Variants in RAB38 observed in about 807,000 individuals in gnomAD.
The protein encoded by RAB38 is RAB38, member RAS oncogene family, also known as ras-related protein Rab-38.
Under a neutral mutation model 18.4 loss-of-function variants are expected in RAB38, and 15 were observed. The ratio of observed to expected loss-of-function variants is 0.82; its 90% CI spans 0.55 to 1.26. RAB38 has a LOEUF of 1.26. RAB38 is among the 50% of genes most tolerant of loss of function. The pLI is 0.00. For synonymous variants in RAB38, 101 were observed against 104.4 expected, an observed-to-expected ratio of 0.97 and a Z score of 0.20; for missense variants, 294 against 267.4, an observed-to-expected ratio of 1.10 and a Z score of -0.69.
chr11:88,099,116 TA>T, the RAB38 span, among the ~76,000 whole-genome samples: 2 of 151,976 alleles, frequency 1.3e-5, no homozygotes, highest in African/African-American at 4.8e-5. Flanking sequence ...CTGTTTGTTT[TA>T]AAAATTATTA....
chr11:88,004,919 G>C, the RAB38 span, among the ~76,000 whole-genome samples: 6 of 151,268 alleles, frequency 4.0e-5, no homozygotes, highest in Non-Finnish European at 8.9e-5. Flanking sequence ...TACAGGGTTA[G>C]ATTGAACAAA....
At chr11:88,052,925 T>TC in the RAB38 span, among the ~76,000 whole-genome samples, 4 of 25,084 alleles carry the variant, frequency 1.6e-4, no homozygotes, top group African/African-American at 7.1e-4. Flanking sequence ...TATATATATA[T>TC]ATATATATAT....
chr11:87,878,225 A>G, the RAB38 span, among the ~76,000 whole-genome samples: 3 of 125,342 alleles, frequency 2.4e-5, no homozygotes, highest in East Asian at 4.4e-4. Context: ...ATATATATAC[A>G]CACATATATA....
chr11:87,819,389 G>A, the RAB38 span, among the ~76,000 whole-genome samples: 2 of 152,062 alleles, frequency 1.3e-5, no homozygotes, highest in Non-Finnish European at 2.9e-5. Context: ...AGTGTGGAGA[G>A]ATTTCCATAG....
the RAB38 span, among the ~76,000 whole-genome samples, chr11:88,106,754 T>C: frequency 6.6e-6 from 1 of 152,314 alleles, no homozygotes; most frequent in East Asian, 1.9e-4. Context: ...ACTTACTTTG[T>C]TTAGTTTATC....
chr11:87,959,205 C>T, the RAB38 span, among the ~76,000 whole-genome samples: 8 of 152,198 alleles, frequency 5.3e-5, no homozygotes, highest in Non-Finnish European at 7.3e-5. Flanking sequence ...AACATTCCGA[C>T]GCATTTAGGA....
chr11:88,127,447 T>C (rs1042169370), intron 2 of RAB38, among the ~76,000 whole-genome samples: 2 of 152,198 alleles, frequency 1.3e-5, no homozygotes, highest in Non-Finnish European at 2.9e-5. Context: ...AGAGCTAATG[T>C]TCCTCTTCAC....
At chr11:88,149,002 G>T (rs1943028089) in intron 2 of RAB38, among the ~76,000 whole-genome samples, 1 of 151,936 alleles carries the variant, frequency 6.6e-6, no homozygotes, top group Non-Finnish European at 1.5e-5. Flanking sequence ...CCAGGAACCT[G>T]ACATATCAGA....
chr11:87,959,389 C>T, the RAB38 span, among the ~76,000 whole-genome samples: 1 of 152,114 alleles, frequency 6.6e-6, no homozygotes, highest in Non-Finnish European at 1.5e-5. Flanking sequence ...ATAATCTTCT[C>T]AAAGTCAAAT....
chr11:88,157,977 C>T (rs933259878), intron 1 of RAB38, among the ~76,000 whole-genome samples: 1 of 151,762 alleles, frequency 6.6e-6, no homozygotes, highest in African/African-American at 2.4e-5. Context: ...TACAAAGTAT[C>T]AATGAAAGCA....
the RAB38 span, among the ~76,000 whole-genome samples, chr11:87,951,066 T>G: frequency 6.6e-6 from 1 of 152,184 alleles, no homozygotes; most frequent in African/African-American, 2.4e-5. Flanking sequence ...CCAGTATTTC[T>G]TGGAGGCTTT....
the RAB38 span, among the ~76,000 whole-genome samples, chr11:87,914,178 G>A: frequency 5.3e-5 from 8 of 151,862 alleles, no homozygotes; most frequent in Middle Eastern, 3.4e-3. Context: ...ATGAGGACTC[G>A]GAAGAACACA....
At chr11:87,806,881 C>G in the RAB38 span, among the ~76,000 whole-genome samples, 1 of 152,112 alleles carries the variant, frequency 6.6e-6, no homozygotes, top group Non-Finnish European at 1.5e-5. Context: ...TCAGGTATTC[C>G]ATTTTCCCTG....
At chr11:88,104,022 T>C in the RAB38 span, among the ~76,000 whole-genome samples, 1 of 152,082 alleles carries the variant, frequency 6.6e-6, no homozygotes, top group African/African-American at 2.4e-5. Context: ...GGTTTCCTGA[T>C]CATCTGCCCT....
chr11:87,852,953 C>A, the RAB38 span, among the ~76,000 whole-genome samples: 1 of 100,862 alleles, frequency 9.9e-6, no homozygotes, highest in Non-Finnish European at 2.0e-5. Context: ...ATCTATCTTG[C>A]ATATGACTAA....
At chr11:87,821,910 TATA>T in the RAB38 span, among the ~76,000 whole-genome samples, 1 of 151,826 alleles carries the variant, frequency 6.6e-6, no homozygotes, top group African/African-American at 2.4e-5. Flanking sequence ...TGAAATACAT[TATA>T]ATAATATTAT....
the RAB38 span, among the ~76,000 whole-genome samples, chr11:87,904,348 T>A: frequency 2.6e-5 from 4 of 151,846 alleles, no homozygotes; most frequent in African/African-American, 9.7e-5. Flanking sequence ...GGTATTTGGT[T>A]TTCTATTCCA....
the RAB38 span, among the ~76,000 whole-genome samples, chr11:87,834,215 G>A: frequency 6.6e-6 from 1 of 152,164 alleles, no homozygotes; most frequent in Non-Finnish European, 1.5e-5. Flanking sequence ...AGCTAACAAG[G>A]AAACTGTGAC....
the RAB38 span, among the ~76,000 whole-genome samples, chr11:87,830,323 A>C: frequency 6.6e-6 from 1 of 151,960 alleles, no homozygotes; most frequent in Non-Finnish European, 1.5e-5. Context: ...CTCTACAAAA[A>C]ATTAAAAATT....
Sources: gnomAD v4.1 joint callset for allele counts (sites outside exome capture counted in the v4.1 genomes callset) on GRCh38, gnomAD v4.1.1 for gene constraint, MANE v1.5 for transcripts, NCBI Gene and HGNC (gene_info 2026-07-23, HGNC 2026-07-21) for gene names.